The following RRM1 variants were observed in gnomAD, a reference collection of about 807,000 sequenced individuals.
RRM1 encodes the protein ribonucleotide reductase catalytic subunit M1, also known as ribonucleoside-diphosphate reductase large subunit.
A neutral mutation model predicts 101.5 loss-of-function variants in RRM1; 19 were observed. The ratio of observed to expected loss-of-function variants is 0.19; its 90% CI spans 0.13 to 0.27. The LOEUF is 0.27. Among genes scored for constraint, RRM1 ranks in the 10% least tolerant of loss-of-function variants. The pLI, the probability that RRM1 is intolerant of heterozygous loss-of-function variation, is 1.00. For synonymous variants in RRM1, 298 were observed against 323.4 expected (o/e 0.92, Z 0.84); for missense variants, 500 against 962.9 (o/e 0.52, Z 6.36).
intron 7 of RRM1, among the ~76,000 whole-genome samples, chr11:4,115,657 A>G (rs1306963097): frequency 6.6e-6 from 1 of 152,078 alleles, no homozygotes. Flanking sequence ...CCCGGGTTCA[A>G]GCAATTCTCC....
Position 4,130,086 on chromosome 11 carries a change from ATTTT to A in RRM1, c.1769+951_1769+954del, listed in dbSNP as rs796657105. Among the ~76,000 whole-genome samples the A allele has an allele frequency of 7.8e-4, 77 of 99,352 alleles. 1 individual carries two copies. The highest frequency in any genetic ancestry group is 1.8e-3 in the East Asian group (6 of 3,402). The allele number at this position is 99,352 out of a possible 152,430, so 65.2% of individuals were successfully genotyped here. A position where few individuals can be genotyped will look rare whatever the true frequency, so the allele number is the denominator to read the frequency against. ...TGTATTTATATATATATATATATATATTTTTTTTTTTTTTTTTTCCCCTCAAAAT... is the reference window on the plus strand; with the variant it reads ...TGTATTTATATATATATATATATATATTTTTTTTTTTTTTCCCCTCAAAAT... On this transcript the variant is annotated intron_variant, in intron 15 of 18. Transcript: ENST00000300738.
Position 4,132,217 on chromosome 11 carries a change from C to T in RRM1, c.1770-69C>T, listed in dbSNP as rs2094601738. The T allele has an allele frequency of 1.6e-5, 23 of 1,474,728 alleles. No individual in the cohort carries two copies. Among genetic ancestry groups the T allele is most frequent in the Non-Finnish European group, 2.1e-5 (22 of 1,056,064 alleles). 91.4% of individuals were successfully genotyped at this position (1,474,728 alleles called of 1,614,324 possible). On this transcript the variant is annotated intron_variant, in intron 15 of 18. Coordinates refer to ENST00000300738, the MANE Select transcript of RRM1 (RefSeq NM_001033.5). This position sits in a 1 kb window ranked among gnomAD's most constrained non-coding sequence, Gnocchi z 4.1. ...CATTTATCTACATTTACTACAGTGA[C>T]TTAAAGTAGCTGCTTTCCTGGCAGA...
At chr11:4,102,131 T>C (rs2094552411) in intron 2 of RRM1, 50 bp downstream of exon 2, 1 of 928,304 alleles carries the variant, frequency 1.1e-6, no homozygotes, top group Non-Finnish European at 1.8e-6. Context: ...TGTGTTTCTT[T>C]CCATTTGTCT....
Position 4,109,627 on chromosome 11 carries a change from T to G in RRM1, c.388-17T>G. The G allele has an allele frequency of 6.3e-7, 1 of 1,586,902 alleles. No homozygotes were observed. Among genetic ancestry groups the G allele is most frequent in the Non-Finnish European group, 8.6e-7 (1 of 1,166,974 alleles). On this transcript the variant is annotated splice_polypyrimidine_tract_variant and intron_variant, in intron 4 of 18. Transcript: ENST00000300738. The stretch of plus-strand genomic sequence containing the variant: ...ATTATTTTAATTTAATTATGGGTTC[T>G]TTTTCACCCCTATCAGCGCCTGAAT...
At position 4,112,011 on chromosome 11, in the gene RRM1, A is replaced by T; in HGVS notation, c.599A>T (p.His200Leu). The T allele has an allele frequency of 6.2e-7, 1 of 1,614,180 alleles. No homozygotes were observed. Among genetic ancestry groups the T allele is most frequent in the Non-Finnish European group, 8.5e-7 (1 of 1,180,020 alleles). ...CTTCTTTCTGAGAGGTGGTTTACTC[A>T]TGCTTCGCCCACTCTCTTCAATGCT... Reference protein sequence around the residue: ...YNLLSERWFTHASPTLFNAGT... With the variant: ...YNLLSERWFTLASPTLFNAGT... The change falls in exon 7 of 19, where the codon CAT (histidine) becomes CTT (leucine). Residue 200 changes from histidine to leucine, a missense_variant. His to Leu is a moderately conservative substitution (Grantham distance 99). This residue lies in a region of RRM1 where 111 missense variants were observed against 219.8 expected (regional missense o/e 0.51). Coordinates refer to ENST00000300738, the MANE Select transcript of RRM1 (RefSeq NM_001033.5).
rs1282666820 is a variant in RRM1, at chr11:4,119,859, C to T, written c.807C>T (p.Ser269=). The T allele has an allele frequency of 1.2e-6, 2 of 1,603,612 alleles. No homozygotes were observed. Among genetic ancestry groups the T allele is most frequent in the Non-Finnish European group, 1.7e-6 (2 of 1,171,674 alleles). ...GSYIAGTNGN[S]NGLVPMLRVY... is the part of the protein sequence containing the mutation. ...CTCTCTTTTAGACTAATGGCAATTC[C>T]AATGGCCTTGTACCGATGCTGAGAG... Residue 269 remains serine (S), a synonymous_variant, in exon 9 of 19, where the codon TCC becomes TCT. Transcript: ENST00000300738.
At chr11:4,096,728 C>G (rs149755190) in intron 1 of RRM1, among the ~76,000 whole-genome samples, 33 of 152,050 alleles carry the variant, frequency 2.2e-4, no homozygotes, top group African/African-American at 7.5e-4. Flanking sequence ...GTCTTGAACT[C>G]CTGGGCTCAA....
At chr11:4,129,557 T>G (rs1053317834) in intron 15 of RRM1, among the ~76,000 whole-genome samples, 14 of 152,084 alleles carry the variant, frequency 9.2e-5, no homozygotes, top group African/African-American at 3.4e-4. Flanking sequence ...TTGATTGTCA[T>G]AGGAATAATG....
intron 7 of RRM1, among the ~76,000 whole-genome samples, chr11:4,117,697 T>C (rs2094575625): frequency 6.6e-6 from 1 of 152,234 alleles, no homozygotes; most frequent in Non-Finnish European, 1.5e-5. Context: ...CATCATTCTC[T>C]ATATTTTTCT....
chr11:4,138,564 G>T lies in RRM1; in HGVS notation c.*181G>T. ...GATTTTTTTTTTAAACTCATATATT[G>T]GGATTTTCACCAAAATAATGCTTTT... is the stretch of plus-strand genomic sequence containing the variant. On this transcript the variant is annotated 3_prime_UTR_variant, in exon 19 of 19. Coordinates refer to ENST00000300738, the MANE Select transcript of RRM1 (RefSeq NM_001033.5). 2.5e-6 allele frequency: 1 copy of T among 396,844 alleles called. No homozygotes were observed. The allele number at this position is 396,844 out of a possible 1,614,324, so 24.6% of individuals were successfully genotyped here. A position where few individuals can be genotyped will look rare whatever the true frequency, so the allele number is the denominator to read the frequency against.
intron 8 of RRM1, 24 bp downstream of exon 8, chr11:4,118,485 T>A: frequency 6.2e-7 from 1 of 1,613,282 alleles, no homozygotes; most frequent in East Asian, 2.2e-5. Context: ...ATTTGACTTT[T>A]AAAGGGGGAT....
At chr11:4,124,166 G>A (rs1211162134) in intron 12 of RRM1, among the ~76,000 whole-genome samples, 1 of 152,168 alleles carries the variant, frequency 6.6e-6, no homozygotes, top group Non-Finnish European at 1.5e-5. Flanking sequence ...TCACGGATAG[G>A]TAGCCCTTGT....
intron 17 of RRM1, among the ~76,000 whole-genome samples, chr11:4,134,855 T>C (rs949958527): frequency 6.6e-6 from 1 of 152,228 alleles, no homozygotes; most frequent in Non-Finnish European, 1.5e-5. Flanking sequence ...AAAGGGATGC[T>C]GAAATTACTA....
At chr11:4,108,351 C>T (rs1168869793) in intron 4 of RRM1, among the ~76,000 whole-genome samples, 2 of 152,106 alleles carry the variant, frequency 1.3e-5, no homozygotes, top group South Asian at 4.1e-4. Flanking sequence ...GTAATCCCAG[C>T]ACTTTGAGAG....
intron 7 of RRM1, among the ~76,000 whole-genome samples, chr11:4,113,266 T>C (rs1306412827): frequency 6.6e-6 from 1 of 152,182 alleles, no homozygotes. Context: ...AAAATTGATA[T>C]AGAAAATAAC....
chr11:4,136,372 A>G (rs1043357234), intron 18 of RRM1, among the ~76,000 whole-genome samples: 2 of 151,594 alleles, frequency 1.3e-5, no homozygotes, highest in African/African-American at 4.9e-5. Context: ...GGTGTGTGCC[A>G]ACACACCTGG....
Position 4,138,430 on chromosome 11 carries a change from T to A in RRM1, c.*47T>A. 1 of 1,485,328 alleles carries A rather than the reference T, an allele frequency of 6.7e-7. No homozygotes were observed. Among genetic ancestry groups the A allele is most frequent in the Non-Finnish European group, 9.1e-7 (1 of 1,103,446 alleles). The allele number at this position is 1,485,328 out of a possible 1,614,324, so 92.0% of individuals were successfully genotyped here. On this transcript the variant is annotated 3_prime_UTR_variant, in exon 19 of 19. Transcript: ENST00000300738. ...GCATGTCTTCAGTAGCCAAACTACT[T>A]CTTGAGCATAGATAGGTATAGTGGG...
intron 12 of RRM1, among the ~76,000 whole-genome samples, chr11:4,125,490 A>G (rs142811518): frequency 3.2e-4 from 48 of 152,336 alleles, no homozygotes; most frequent in African/African-American, 1.1e-3. Context: ...AAGGTCCTAC[A>G]CAACTGGATA....
At chr11:4,124,847 TTTTC>T (rs869300325) in intron 12 of RRM1, among the ~76,000 whole-genome samples, 3 of 151,796 alleles carry the variant, frequency 2.0e-5, no homozygotes, top group African/African-American at 4.8e-5. Flanking sequence ...TTTTCTTTTC[TTTTC>T]TTTTTTTTAG....
Sources: allele counts gnomAD v4.1 joint callset (sites outside exome capture counted in the v4.1 genomes callset), GRCh38; gene constraint gnomAD v4.1.1; regional missense constraint gnomAD v4.1.1; non-coding constraint Gnocchi (gnomAD v3.1); transcripts MANE v1.5; gene names NCBI Gene and HGNC (gene_info 2026-07-23, HGNC 2026-07-21).